The following GPC5 variants were observed in gnomAD, a reference collection of about 807,000 sequenced individuals.
GPC5 encodes the protein glypican 5.
GPC5 carries 47 observed loss-of-function variants against 53.9 expected under a neutral mutation model. That is an observed-to-expected ratio of 0.87 (90% CI 0.69 to 1.11). The LOEUF (loss-of-function observed/expected upper bound fraction) is 1.11, where lower values mean the gene tolerates loss of function less well. Ranked by LOEUF, GPC5 falls within the 50% of genes most tolerant of loss-of-function variation. The pLI is 0.00. For synonymous variants in GPC5, 286 were observed against 263.3 expected (o/e 1.09, Z -0.84); for missense variants, 748 against 713.1 (o/e 1.05, Z -0.56).
At chr13:91,654,468 ATATT>A (rs752669755) in intron 2 of GPC5, among the ~76,000 whole-genome samples, 69 of 152,272 alleles carry the variant, frequency 4.5e-4, no homozygotes, top group Non-Finnish European at 8.2e-4. Flanking sequence ...TTGTAGAAAG[ATATT>A]TATATCACTC....
At chr13:92,840,958 C>T (rs778301096) in intron 7 of GPC5, among the ~76,000 whole-genome samples, 14 of 151,960 alleles carry the variant, frequency 9.2e-5, no homozygotes, top group Admixed American at 1.3e-4. Context: ...TTTTGTCTGT[C>T]CTGTCACTTA....
chr13:91,834,144 A>T (rs2038695876), intron 5 of GPC5, among the ~76,000 whole-genome samples: 1 of 152,194 alleles, frequency 6.6e-6, no homozygotes, highest in Admixed American at 6.5e-5. Context: ...TCCCATTCAC[A>T]ATTGCTACAA....
intron 7 of GPC5, among the ~76,000 whole-genome samples, chr13:92,417,860 T>C (rs978436356): frequency 6.6e-6 from 1 of 152,154 alleles, no homozygotes; most frequent in Admixed American, 6.6e-5. Context: ...CACTGCATTC[T>C]AGCTTGGGCG....
At chr13:91,720,644 C>A (rs1337029488) in intron 3 of GPC5, among the ~76,000 whole-genome samples, 1 of 152,120 alleles carries the variant, frequency 6.6e-6, no homozygotes, top group Non-Finnish European at 1.5e-5. Flanking sequence ...GCTTTCAGTT[C>A]AGGTAACTAA....
intron 3 of GPC5, among the ~76,000 whole-genome samples, chr13:91,717,948 G>T (rs1341812537): frequency 6.6e-6 from 1 of 152,056 alleles, no homozygotes; most frequent in African/African-American, 2.4e-5. Context: ...TGGTCATATC[G>T]ATTTCTTCTC....
At chr13:91,752,298 T>C (rs1016763888) in intron 4 of GPC5, among the ~76,000 whole-genome samples, 2 of 152,232 alleles carry the variant, frequency 1.3e-5, no homozygotes, top group Admixed American at 1.3e-4. Context: ...TTGTCCAGGC[T>C]GGTCTCCAAC....
At chr13:91,808,058 C>T (rs1004972363) in intron 5 of GPC5, among the ~76,000 whole-genome samples, 3 of 152,002 alleles carry the variant, frequency 2.0e-5, no homozygotes, top group Admixed American at 2.0e-4. Context: ...CTGTGATGAA[C>T]CACATTATCT....
At chr13:92,786,401 T>C (rs1377965653) in intron 7 of GPC5, among the ~76,000 whole-genome samples, 1 of 151,914 alleles carries the variant, frequency 6.6e-6, no homozygotes, top group Non-Finnish European at 1.5e-5. Flanking sequence ...TTAGGTGTAA[T>C]AGGAGATAAC....
At chr13:91,610,104 G>A (rs2033502679) in intron 2 of GPC5, among the ~76,000 whole-genome samples, 3 of 152,110 alleles carry the variant, frequency 2.0e-5, no homozygotes, top group East Asian at 1.9e-4. Context: ...TTTACTTTTG[G>A]TATACTCATT....
chr13:92,413,822 T>C (rs56341020), intron 7 of GPC5, among the ~76,000 whole-genome samples: 11,597 of 152,242 alleles, frequency 0.076, 484 homozygotes, highest in African/African-American at 0.11. Flanking sequence ...GGGGCTGAGA[T>C]GAGGCTATTT....
At chr13:91,603,059 T>C (rs1010701082) in intron 2 of GPC5, among the ~76,000 whole-genome samples, 5 of 152,212 alleles carry the variant, frequency 3.3e-5, no homozygotes, top group Non-Finnish European at 7.3e-5. Flanking sequence ...ACTGGGGTAG[T>C]GGACATGTAA....
At chr13:92,071,745 C>A (rs2138866267) in intron 6 of GPC5, among the ~76,000 whole-genome samples, 1 of 151,098 alleles carries the variant, frequency 6.6e-6, no homozygotes, top group South Asian at 2.1e-4. Flanking sequence ...AAAAATACAT[C>A]ATTAAATTTA....
intron 7 of GPC5, among the ~76,000 whole-genome samples, chr13:92,149,058 A>G (rs1198847830): frequency 6.6e-6 from 1 of 151,842 alleles, no homozygotes; most frequent in Non-Finnish European, 1.5e-5. Context: ...GCTGGTTCAC[A>G]GTGGTAATCG....
At chr13:91,618,954 CTATT>C (rs1289916254) in intron 2 of GPC5, among the ~76,000 whole-genome samples, 4 of 152,040 alleles carry the variant, frequency 2.6e-5, no homozygotes, top group African/African-American at 9.7e-5. Flanking sequence ...TACTTATACA[CTATT>C]TATACTACTA....
chr13:92,548,169 A>G (rs530919677), intron 7 of GPC5, among the ~76,000 whole-genome samples: 40 of 152,040 alleles, frequency 2.6e-4, no homozygotes, highest in African/African-American at 9.6e-4. Flanking sequence ...ATTGAATACA[A>G]AAGTTGAGAT....
intron 7 of GPC5, among the ~76,000 whole-genome samples, chr13:92,345,499 C>T (rs897328882): frequency 6.6e-6 from 1 of 152,100 alleles, no homozygotes; most frequent in African/African-American, 2.4e-5. Context: ...ACCCAACACC[C>T]ACAGAAAGTA....
chr13:92,478,709 C>T (rs74107288), intron 7 of GPC5, among the ~76,000 whole-genome samples: 3,453 of 152,188 alleles, frequency 0.023, 147 homozygotes, highest in African/African-American at 0.079. Context: ...AATGCAGTTA[C>T]ACCTCTGCTG....
At chr13:92,085,316 G>A (rs1416171042) in intron 6 of GPC5, among the ~76,000 whole-genome samples, 1 of 152,196 alleles carries the variant, frequency 6.6e-6, no homozygotes. Context: ...TAAGGGAAAT[G>A]TATAGGGCAT....
chr13:92,245,879 A>G lies in GPC5; in HGVS notation c.1561+100890A>G, dbSNP rs1390625882. ...TTTTTGTGGAATATACTTTTTGCTT[A>G]GGTTCTAATTTTTTTGGTAATTGTC... On this transcript the variant is annotated intron_variant, in intron 7 of 7. Coordinates refer to ENST00000377067, the MANE Select transcript of GPC5 (RefSeq NM_004466.6). 1.2e-4 allele frequency among the ~76,000 whole-genome samples: 19 copies of G among 152,184 alleles called. No individual in the cohort carries two copies. The South Asian group carries it at 3.7e-3, about 30-fold the overall frequency.
Sources: gnomAD v4.1 joint callset for allele counts (sites outside exome capture counted in the v4.1 genomes callset) on GRCh38, gnomAD v4.1.1 for gene constraint, MANE v1.5 for transcripts, NCBI Gene and HGNC (gene_info 2026-07-23, HGNC 2026-07-21) for gene names.